The following KCNQ1 variants were observed in gnomAD, a reference collection of about 807,000 sequenced individuals.
KCNQ1 encodes the protein potassium voltage-gated channel subfamily Q member 1, also known as potassium voltage-gated channel subfamily KQT member 1.
KCNQ1 carries 49 observed loss-of-function variants against 72.4 expected under a neutral mutation model. The ratio of observed to expected loss-of-function variants is 0.68; its 90% CI spans 0.54 to 0.86. The LOEUF (loss-of-function observed/expected upper bound fraction) is 0.86, where lower values mean the gene tolerates loss of function less well. Among genes scored for constraint, KCNQ1 ranks in the 40% least tolerant of loss-of-function variants. The pLI is 0.00. For missense variants in KCNQ1, 790 were observed against 945.1 expected (o/e 0.84, Z 2.15); for synonymous variants, 450 against 412.6 (o/e 1.09, Z -1.10).
chr11:2,466,888 C>T (rs557074337), intron 1 of KCNQ1, among the ~76,000 whole-genome samples: 43 of 152,170 alleles, frequency 2.8e-4, no homozygotes, highest in African/African-American at 7.7e-4. Context: ...CTCCTCTGCC[C>T]GCTCCCAGAA....
chr11:2,684,721 G>C, intron 11 of KCNQ1: 1 of 398,706 alleles, frequency 2.5e-6, no homozygotes, highest in Non-Finnish European at 4.4e-6. Context: ...GGCCTGGAGA[G>C]AACCCAGGGT....
chr11:2,461,244 G>C (rs1210702529), intron 1 of KCNQ1, among the ~76,000 whole-genome samples: 1 of 152,246 alleles, frequency 6.6e-6, no homozygotes, highest in Non-Finnish European at 1.5e-5. Flanking sequence ...TTGAAGGCCT[G>C]TGGGGCCATC....
intron 11 of KCNQ1, chr11:2,688,305 A>T: frequency 2.5e-6 from 1 of 398,718 alleles, no homozygotes; most frequent in East Asian, 3.6e-5. Context: ...GACTCTGGAA[A>T]ATCTAAGCAC....
intron 12 of KCNQ1, among the ~76,000 whole-genome samples, chr11:2,775,671 G>C (rs1489575182): frequency 2.0e-5 from 3 of 152,210 alleles, no homozygotes; most frequent in South Asian, 2.1e-4. Context: ...CTGGGGTGGT[G>C]GGGGGTGGAA....
In KCNQ1 at chr11:2,789,217, G is replaced by T. The variant is rs373735024; in HGVS notation, c.1794+11180G>T. ...TAAAGTCAAAATGTAAGGAAATGAT[G>T]ATACCCTGTGCTGGCATGGGTGCGG... On this transcript the variant is annotated intron_variant, in intron 15 of 15. Coordinates refer to ENST00000155840, the MANE Select transcript of KCNQ1 (RefSeq NM_000218.3). Among the ~76,000 whole-genome samples the T allele has an allele frequency of 1.2e-4, 19 of 152,142 alleles. No homozygotes were observed. The East Asian group carries it at 1.7e-3, about 14-fold the overall frequency.
intron 10 of KCNQ1, among the ~76,000 whole-genome samples, chr11:2,597,302 T>G (rs1485996953): frequency 1.3e-5 from 2 of 152,360 alleles, no homozygotes; most frequent in African/African-American, 4.8e-5. Flanking sequence ...AAATTAAAGA[T>G]GCATATGCCT....
In KCNQ1 at chr11:2,497,164, A is replaced by G. The variant is rs907197263; in HGVS notation, c.387-30764A>G. Among the ~76,000 whole-genome samples, 8 of 151,958 alleles carry G rather than the reference A, an allele frequency of 5.3e-5. No homozygotes were observed. Among genetic ancestry groups the G allele is most frequent in the African/African-American group, 1.7e-4 (7 of 41,372 alleles). On this transcript the variant is annotated intron_variant, in intron 1 of 15. Transcript: ENST00000155840. The surrounding 1 kb of genome is among the most constrained non-coding windows in gnomAD (Gnocchi z 4.5). ...TGTCTTGGGGTTGCTCTTCTTGAGG[A>G]GTATCTTAGTGGTGTTCTCTGTATT... is the stretch of plus-strand genomic sequence containing the variant.
intron 1 of KCNQ1, chr11:2,461,625 T>A (rs1846279388): frequency 7.3e-7 from 1 of 1,364,818 alleles, no homozygotes; most frequent in Admixed American, 1.9e-5. Flanking sequence ...AACTCCAGGT[T>A]TCTGGCTCTC....
intron 6 of KCNQ1, among the ~76,000 whole-genome samples, chr11:2,577,769 C>CGGGGGCTG (rs1564822711): frequency 6.6e-6 from 1 of 152,128 alleles, no homozygotes; most frequent in African/African-American, 2.4e-5. Flanking sequence ...GGCGGCCCCA[C>CGGGGGCTG]GGGGGCTGGG....
At chr11:2,778,183 C>A in intron 15 of KCNQ1, 146 bp downstream of exon 15, 2 of 807,242 alleles carry the variant, frequency 2.5e-6, no homozygotes, top group East Asian at 2.6e-5. Context: ...CAGCAACTCC[C>A]AAGAGGGGCC....
At chr11:2,504,445 A>C (rs1000301876) in intron 1 of KCNQ1, among the ~76,000 whole-genome samples, 12 of 152,172 alleles carry the variant, frequency 7.9e-5, no homozygotes, top group African/African-American at 2.9e-4. Context: ...TCAATGATTT[A>C]ATTATACATT....
intron 1 of KCNQ1, among the ~76,000 whole-genome samples, chr11:2,510,125 T>C (rs1847174393): frequency 6.6e-6 from 1 of 151,334 alleles, no homozygotes; most frequent in Non-Finnish European, 1.5e-5. Context: ...ATTAAAATAT[T>C]AATACTAGCT....
At chr11:2,510,622 C>T (rs1043623298) in intron 1 of KCNQ1, among the ~76,000 whole-genome samples, 2 of 152,200 alleles carry the variant, frequency 1.3e-5, no homozygotes, top group Non-Finnish European at 2.9e-5. Context: ...ACAAACAAGG[C>T]TAACATGTTG....
Position 2,815,451 on chromosome 11 carries a change from G to A in KCNQ1, c.1795-32316G>A, listed in dbSNP as rs1847595402. Among the ~76,000 whole-genome samples, 1 of 152,130 alleles carries A rather than the reference G, an allele frequency of 6.6e-6. No individual in the cohort carries two copies. Among genetic ancestry groups the A allele is most frequent in the Non-Finnish European group, 1.5e-5 (1 of 68,008 alleles). On this transcript the variant is annotated intron_variant, in intron 15 of 15. Coordinates refer to ENST00000155840, the MANE Select transcript of KCNQ1 (RefSeq NM_000218.3). This position sits in a 1 kb window ranked among gnomAD's most constrained non-coding sequence, Gnocchi z 5.4. ...TCGGGGGACCCTCTCCTGGCCCTGT[G>A]GGGTCGGAGGAGGTCCTGGGAGCCC...
In KCNQ1 at chr11:2,540,915, G is replaced by A. The variant is rs17741759; in HGVS notation, c.477+12897G>A. 3.0e-3 allele frequency among the ~76,000 whole-genome samples: 453 copies of A among 152,342 alleles called. 3 individuals carry two copies. Among genetic ancestry groups the A allele is most frequent in the Middle Eastern group, 0.014 (4 of 294 alleles). The stretch of plus-strand genomic sequence containing the variant: ...GGTCATGGTCAAGGTAGTTGAAGTC[G>A]GGGGTTGAAAAACACACTCGTGTCC... On this transcript the variant is annotated intron_variant, in intron 2 of 15. Transcript: ENST00000155840.
rs1194689004 is a variant in KCNQ1, at chr11:2,620,684, A to G, written c.1393+31830A>G. On this transcript the variant is annotated intron_variant, in intron 10 of 15. Transcript: ENST00000155840. The surrounding 1 kb of genome is among the most constrained non-coding windows in gnomAD (Gnocchi z 4.5). ...ATGTGTCTTTTTGATAGAACAATTT[A>G]TTTTCCTTTGAATATATATCCAGTA... is the stretch of plus-strand genomic sequence containing the variant. The G allele has an allele frequency of 2.5e-6, 1 of 398,302 alleles. No individual in the cohort carries two copies. The highest frequency in any genetic ancestry group is 4.4e-5 in the Admixed American group (1 of 22,700). The allele number at this position is 398,302 out of a possible 1,614,324, so 24.7% of individuals were successfully genotyped here.
intron 15 of KCNQ1, among the ~76,000 whole-genome samples, chr11:2,820,354 T>C (rs1847706068): frequency 1.3e-5 from 2 of 152,254 alleles, no homozygotes; most frequent in Non-Finnish European, 2.9e-5. Context: ...AACTTCAAGA[T>C]GTATCCATCT....
At chr11:2,480,532 A>T (rs189618877) in intron 1 of KCNQ1, among the ~76,000 whole-genome samples, 50 of 152,348 alleles carry the variant, frequency 3.3e-4, no homozygotes, top group South Asian at 1.2e-3. Context: ...TATGGGAGAA[A>T]CTGCCCCCAT....
At chr11:2,548,016 C>T (rs1022752750) in intron 2 of KCNQ1, among the ~76,000 whole-genome samples, 1 of 152,014 alleles carries the variant, frequency 6.6e-6, no homozygotes, top group East Asian at 1.9e-4. Flanking sequence ...CAGGACCTGG[C>T]GTGTGAGGGC....
Sources: gnomAD v4.1 joint callset for allele counts (sites outside exome capture counted in the v4.1 genomes callset) on GRCh38, gnomAD v4.1.1 for gene constraint, Gnocchi (gnomAD v3.1) non-coding constraint, MANE v1.5 for transcripts, NCBI Gene and HGNC (gene_info 2026-07-23, HGNC 2026-07-21) for gene names.